ITPKB: variants seen among roughly 807,000 people sequenced by gnomAD.
ITPKB encodes the protein inositol-trisphosphate 3-kinase B.
In ITPKB, 13 loss-of-function variants were observed where a neutral mutation model predicts 69.4. The ratio of observed to expected loss-of-function variants is 0.19; its 90% confidence interval spans 0.12 to 0.30. The LOEUF (loss-of-function observed/expected upper bound fraction) is 0.30, where lower values mean the gene tolerates loss of function less well. ITPKB is among the 10% of genes least tolerant of loss of function. The pLI, the probability that ITPKB is intolerant of heterozygous loss-of-function variation, is 1.00. For synonymous variants in ITPKB, 584 were observed against 513.7 expected, an observed-to-expected ratio of 1.14 and a Z score of -1.85; for missense variants, 1,240 against 1,250.5, an observed-to-expected ratio of 0.99 and a Z score of 0.13.
At chr1:226,669,855 T>A (rs1455412116) in intron 2 of ITPKB, among the ~76,000 whole-genome samples, 1 of 151,570 alleles carries the variant, frequency 6.6e-6, no homozygotes, top group Non-Finnish European at 1.5e-5. Flanking sequence ...AAAAAAAATG[T>A]TTTTTTGGTT....
chr1:226,651,636 C>G (rs927218363), intron 2 of ITPKB, among the ~76,000 whole-genome samples: 9 of 152,158 alleles, frequency 5.9e-5, no homozygotes, highest in African/African-American at 2.2e-4. Context: ...ACCCACAAGA[C>G]ACAGTGAGCA....
At chr1:226,638,654 A>AACACACAAGACAGAACTTTGTCAT (rs1471991474) in intron 6 of ITPKB, among the ~76,000 whole-genome samples, 5 of 152,146 alleles carry the variant, frequency 3.3e-5, no homozygotes, top group Non-Finnish European at 2.9e-5. Flanking sequence ...CTGCAGCAGC[A>AACACACAAGACAGAACTTTGTCAT]ACACACAAGA....
chr1:226,655,086 G>A (rs1012229042), intron 2 of ITPKB, among the ~76,000 whole-genome samples: 39 of 151,626 alleles, frequency 2.6e-4, no homozygotes, highest in African/African-American at 7.5e-4. Context: ...GAGGGGAGGA[G>A]GAAGAGGAGG....
intron 2 of ITPKB, among the ~76,000 whole-genome samples, chr1:226,684,184 G>A (rs1221266011): frequency 1.4e-4 from 22 of 152,146 alleles, no homozygotes; most frequent in Admixed American, 1.4e-3. Flanking sequence ...ACAAAACGAA[G>A]GGGAAGGAAA....
At chr1:226,679,340 C>T (rs1034633766) in intron 2 of ITPKB, among the ~76,000 whole-genome samples, 2 of 152,168 alleles carry the variant, frequency 1.3e-5, no homozygotes, top group African/African-American at 4.8e-5. Context: ...ATATTCCATG[C>T]TCCTGGAGTT....
chr1:226,666,602 C>A (rs1358525804), intron 2 of ITPKB, among the ~76,000 whole-genome samples: 3 of 152,150 alleles, frequency 2.0e-5, no homozygotes, highest in Admixed American at 6.5e-5. Flanking sequence ...AACAGGGCTG[C>A]CAAAACAGCC....
chr1:226,696,748 T>C (rs1346814369), intron 2 of ITPKB, among the ~76,000 whole-genome samples: 2 of 152,168 alleles, frequency 1.3e-5, no homozygotes, highest in Admixed American at 6.5e-5. Context: ...TCCAAGTATT[T>C]CCTAAGTGTC....
At position 226,633,961 on chromosome 1, in the gene ITPKB, T is replaced by A. The variant is rs1668774347; in HGVS notation, c.*710A>T. On this transcript the variant is annotated 3_prime_UTR_variant, in exon 8 of 8. Transcript: ENST00000429204. ...TGGCACAGCTTCTGCTCGCCTCCTC[T>A]GGGAAGGCCTAGATCAGAGAACACA... is the stretch of plus-strand genomic sequence containing the variant. The A allele has an allele frequency of 6.6e-6, 1 of 152,282 alleles. No homozygotes were observed. The highest frequency in any genetic ancestry group is 2.4e-5 in the African/African-American group (1 of 41,450). 9.4% of individuals were successfully genotyped at this position (152,282 alleles called of 1,614,324 possible). A position where few individuals can be genotyped will look rare whatever the true frequency, so the allele number is the denominator to read the frequency against.
At chr1:226,692,208 A>G (rs1469544567) in intron 2 of ITPKB, among the ~76,000 whole-genome samples, 2 of 151,436 alleles carry the variant, frequency 1.3e-5, no homozygotes, top group Admixed American at 1.3e-4. Context: ...TAAAGCTTAC[A>G]CTCTTTCCAT....
At chr1:226,703,726 C>T (rs1170522734) in intron 2 of ITPKB, among the ~76,000 whole-genome samples, 1 of 152,196 alleles carries the variant, frequency 6.6e-6, no homozygotes, top group Non-Finnish European at 1.5e-5. Flanking sequence ...CTCCCCCAGG[C>T]GGGAAAGACA....
chr1:226,735,688 C>T lies in ITPKB; in HGVS notation c.1771G>A (p.Gly591Ser). 6.2e-7 allele frequency: 1 copy of T among 1,602,288 alleles called. No homozygotes were observed. The highest frequency in any genetic ancestry group is 8.5e-7 in the Non-Finnish European group (1 of 1,173,604). Residue 591 changes from glycine (G) to serine (S), a missense_variant, in exon 2 of 8, where the codon GGC (glycine) becomes AGC (serine). Gly to Ser is a moderately conservative substitution (Grantham distance 56). Transcript: ENST00000429204. ...ALEETQGSPR[G>S]NLPLRKLSSS... ...GACAGTTTCCTCAGGGGCAGGTTGC[C>T]CCGAGGGCTTCCCTGCGTCTCCTCC...
chr1:226,673,013 AGTG>A (rs1438153738), intron 2 of ITPKB, among the ~76,000 whole-genome samples: 1 of 152,222 alleles, frequency 6.6e-6, no homozygotes, highest in Non-Finnish European at 1.5e-5. Context: ...GTTTCTGACA[AGTG>A]GTGAAGACAC....
chr1:226,637,060 T>C lies in ITPKB; in HGVS notation c.2625+619A>G, dbSNP rs1027927662. On this transcript the variant is annotated intron_variant, in intron 7 of 7. Coordinates refer to ENST00000429204, the MANE Select transcript of ITPKB (RefSeq NM_002221.4). The surrounding 1 kb of genome is among the most constrained non-coding windows in gnomAD (Gnocchi z 4.3). ...ATCTGTGAATGTGTGTGGTATAGGA[T>C]TGATGAGTGTGGGATCTGTGAATGT... 6.6e-5 allele frequency among the ~76,000 whole-genome samples: 10 copies of C among 150,570 alleles called. No homozygotes were observed. The highest frequency in any genetic ancestry group is 2.4e-4 in the African/African-American group (10 of 41,188).
chr1:226,723,753 C>A (rs1392349963), intron 2 of ITPKB, among the ~76,000 whole-genome samples: 1 of 152,106 alleles, frequency 6.6e-6, no homozygotes, highest in Non-Finnish European at 1.5e-5. Flanking sequence ...CCAGTTTCCA[C>A]CTACAAAACA....
rs144146836 is a variant in ITPKB, at chr1:226,728,400, G to A, written c.1932+7127C>T. 2.2e-4 allele frequency among the ~76,000 whole-genome samples: 33 copies of A among 152,290 alleles called. No individual in the cohort carries two copies. The East Asian group carries it at 2.7e-3, about 12-fold the overall frequency. Reference sequence around the variant, plus strand: ...TCTTAATGGAGTTGTTGAGAAACACGCCAGACAAGTTAGTCAAAAGCCTGA... The same window carrying A: ...TCTTAATGGAGTTGTTGAGAAACACACCAGACAAGTTAGTCAAAAGCCTGA... On this transcript the variant is annotated intron_variant, in intron 2 of 7. Coordinates refer to ENST00000429204, the MANE Select transcript of ITPKB (RefSeq NM_002221.4).
chr1:226,664,479 G>A (rs966476336), intron 2 of ITPKB, among the ~76,000 whole-genome samples: 13 of 152,226 alleles, frequency 8.5e-5, no homozygotes, highest in African/African-American at 2.9e-4. Flanking sequence ...CGAGGGGAGA[G>A]CCTTGGGGAC....
chr1:226,699,769 A>C (rs544745222), intron 2 of ITPKB, among the ~76,000 whole-genome samples: 5 of 152,338 alleles, frequency 3.3e-5, no homozygotes, highest in Non-Finnish European at 7.3e-5. Context: ...AAAGACAGAC[A>C]AACACTAAGC....
At chr1:226,713,414 T>C (rs979305198) in intron 2 of ITPKB, among the ~76,000 whole-genome samples, 3 of 152,194 alleles carry the variant, frequency 2.0e-5, no homozygotes, top group African/African-American at 7.2e-5. Context: ...TATTTTTGTT[T>C]CTCTAAGGCC....
chr1:226,735,913 C>A lies in ITPKB; in HGVS notation c.1546G>T (p.Ala516Ser). 1 of 1,613,742 alleles carries A rather than the reference C, an allele frequency of 6.2e-7. No individual in the cohort carries two copies. The highest frequency in any genetic ancestry group is 1.7e-5 in the Admixed American group (1 of 60,016). Residue 516 changes from alanine to serine, a missense_variant, in exon 2 of 8, where the codon GCC becomes TCC. Physicochemically the swap from Ala to Ser is moderately conservative, Grantham distance 99 (BLOSUM62 1). This residue lies in a region of ITPKB where 992 missense variants were observed against 853.8 expected (regional missense o/e 1.16). Transcript: ENST00000429204. ...GTGCCACGCGTCCAAGCCAAACCGG[C>A]TTTCTCCATGGTGCCCTGCCAAACC... ...SRVWQGTMEK[A>S]GLAWTRGTGV... is the part of the protein sequence containing the mutation.
Sources: gnomAD v4.1 joint callset for allele counts (sites outside exome capture counted in the v4.1 genomes callset) on GRCh38, gnomAD v4.1.1 for gene constraint, gnomAD v4.1.1 regional missense constraint, Gnocchi (gnomAD v3.1) non-coding constraint, MANE v1.5 for transcripts, NCBI Gene and HGNC (gene_info 2026-07-23, HGNC 2026-07-21) for gene names.